SMARCC1: variants seen among roughly 807,000 people sequenced by gnomAD.
SMARCC1 encodes the protein SWI/SNF related BAF chromatin remodeling complex subunit C1.
SMARCC1 carries 43 observed loss-of-function variants against 147.4 expected under a neutral mutation model. The observed-to-expected ratio is 0.29, with a 90% confidence interval of 0.23 to 0.38. The LOEUF is 0.38. SMARCC1 is among the 10% of genes least tolerant of loss of function. The probability of loss-of-function intolerance (pLI) is 1.00; values close to 1 mark genes in which losing one functional copy is unlikely to be tolerated. For missense variants in SMARCC1, 1,119 were observed against 1,381.1 expected, an observed-to-expected ratio of 0.81 and a Z score of 3.01; for synonymous variants, 495 against 484.4, an observed-to-expected ratio of 1.02 and a Z score of -0.29.
chr3:47,654,955 C>T (rs2033241918), intron 21 of SMARCC1, among the ~76,000 whole-genome samples: 1 of 152,142 alleles, frequency 6.6e-6, no homozygotes, highest in Non-Finnish European at 1.5e-5. Context: ...ATATCCAAAC[C>T]CCAGCAGCAG....
intron 25 of SMARCC1, among the ~76,000 whole-genome samples, chr3:47,611,020 A>G (rs1020525642): frequency 2.0e-5 from 3 of 152,218 alleles, no homozygotes; most frequent in Non-Finnish European, 4.4e-5. Context: ...AAGCATTTCA[A>G]TATTCAAGAT....
chr3:47,665,053 G>A (rs557558775), intron 19 of SMARCC1, among the ~76,000 whole-genome samples: 2 of 151,968 alleles, frequency 1.3e-5, no homozygotes, highest in African/African-American at 2.4e-5. Context: ...GGATGGTCAC[G>A]GACTTCTGAA....
intron 12 of SMARCC1, 100 bp downstream of exon 12, chr3:47,693,141 C>A: frequency 1.3e-6 from 1 of 784,008 alleles, no homozygotes; most frequent in Non-Finnish European, 2.2e-6. Context: ...TGCACTCCAG[C>A]CTGACCAACA....
chr3:47,668,753 T>G (rs2033455504), intron 19 of SMARCC1, among the ~76,000 whole-genome samples: 1 of 151,976 alleles, frequency 6.6e-6, no homozygotes. Flanking sequence ...GGCATGGTGG[T>G]GCACACCTGT....
At chr3:47,773,021 C>T (rs2034933229) in intron 1 of SMARCC1, 85 bp from the exon 2 acceptor site, 2 of 1,246,054 alleles carry the variant, frequency 1.6e-6, no homozygotes, top group Admixed American at 2.1e-5. Context: ...CTACTAAGTA[C>T]TTACGTTATG....
intron 26 of SMARCC1, among the ~76,000 whole-genome samples, chr3:47,599,643 C>T (rs1050861609): frequency 6.6e-6 from 1 of 152,160 alleles, no homozygotes; most frequent in African/African-American, 2.4e-5. Context: ...AGCCAGTGTG[C>T]ACCCCTGACA....
chr3:47,763,895 T>A (rs919222480), intron 2 of SMARCC1, among the ~76,000 whole-genome samples: 1 of 151,492 alleles, frequency 6.6e-6, no homozygotes, highest in Non-Finnish European at 1.5e-5. Context: ...AATTTTTTTT[T>A]ATTTTTTGTA....
intron 22 of SMARCC1, among the ~76,000 whole-genome samples, chr3:47,638,129 C>T (rs543688533): frequency 3.4e-4 from 51 of 152,236 alleles, no homozygotes; most frequent in African/African-American, 1.2e-3. Flanking sequence ...CTCGCTCTGT[C>T]GCCCAGGATG....
At chr3:47,662,141 T>C (rs1324007640) in intron 20 of SMARCC1, among the ~76,000 whole-genome samples, 193 bp downstream of exon 20, 1 of 152,164 alleles carries the variant, frequency 6.6e-6, no homozygotes, top group Non-Finnish European at 1.5e-5. Context: ...ACTATAGGCA[T>C]GTGCCACCAC....
At chr3:47,692,442 G>GTATCA (rs1415710184) in intron 12 of SMARCC1, among the ~76,000 whole-genome samples, 1 of 152,142 alleles carries the variant, frequency 6.6e-6, no homozygotes, top group East Asian at 1.9e-4. Flanking sequence ...TAACAATACA[G>GTATCA]TATCATTTTG....
At chr3:47,601,498 C>T (rs2106655131) in intron 26 of SMARCC1, among the ~76,000 whole-genome samples, 1 of 152,156 alleles carries the variant, frequency 6.6e-6, no homozygotes, top group South Asian at 2.1e-4. Context: ...AGAGACTGTG[C>T]CTTCCCCACA....
chr3:47,617,026 C>G (rs1272592269), intron 25 of SMARCC1, among the ~76,000 whole-genome samples: 2 of 152,182 alleles, frequency 1.3e-5, no homozygotes, highest in Non-Finnish European at 2.9e-5. Context: ...CTGATCTATT[C>G]ACTATCTGGA....
At chr3:47,687,526 A>T (rs532590628) in intron 13 of SMARCC1, among the ~76,000 whole-genome samples, 1 of 152,310 alleles carries the variant, frequency 6.6e-6, no homozygotes, top group South Asian at 2.1e-4. Flanking sequence ...TAAGATATAT[A>T]AACGACTGGT....
chr3:47,746,186 T>A (rs548840447), intron 2 of SMARCC1, 193 bp from the exon 3 acceptor site: 2 of 455,320 alleles, frequency 4.4e-6, no homozygotes, highest in East Asian at 7.6e-5. Context: ...TGGTGGCTCA[T>A]GCCTGTAATC....
Position 47,633,574 on chromosome 3 carries a change from T to C in SMARCC1, c.2646+1616A>G, listed in dbSNP as rs141332714. Reference sequence around the variant, plus strand: ...GCCTGATCAATATGGCAAAACCCTGTCTCTACTAAAAATACAAAAGTTAGC... The same window carrying C: ...GCCTGATCAATATGGCAAAACCCTGCCTCTACTAAAAATACAAAAGTTAGC... On this transcript the variant is annotated intron_variant, in intron 24 of 27. Transcript: ENST00000254480. 4.6e-3 allele frequency among the ~76,000 whole-genome samples: 699 copies of C among 150,934 alleles called. 6 individuals carry two copies. The highest frequency in any genetic ancestry group is 0.016 in the African/African-American group (657 of 41,096).
At chr3:47,592,369 T>A (rs756899758) in intron 26 of SMARCC1, among the ~76,000 whole-genome samples, 7 of 152,256 alleles carry the variant, frequency 4.6e-5, no homozygotes, top group Admixed American at 2.0e-4. Context: ...CATCTTTATT[T>A]ATGAACCCTA....
intron 22 of SMARCC1, among the ~76,000 whole-genome samples, chr3:47,637,532 T>G (rs112481153): frequency 1.3e-4 from 20 of 152,200 alleles, no homozygotes; most frequent in African/African-American, 4.6e-4. Flanking sequence ...GCCAACATAG[T>G]GAAACCACGT....
At chr3:47,741,037 T>C (rs563862406) in intron 3 of SMARCC1, among the ~76,000 whole-genome samples, 2 of 152,118 alleles carry the variant, frequency 1.3e-5, no homozygotes, top group South Asian at 4.2e-4. Flanking sequence ...ATTATTATTG[T>C]TGCCAAAAAA....
At chr3:47,619,860 G>C (rs1196603720) in intron 25 of SMARCC1, among the ~76,000 whole-genome samples, 1 of 152,132 alleles carries the variant, frequency 6.6e-6, no homozygotes, top group Non-Finnish European at 1.5e-5. Context: ...CTGGTCTTAG[G>C]ACAAAATGGA....
Sources: gnomAD v4.1 joint callset for allele counts (sites outside exome capture counted in the v4.1 genomes callset) on GRCh38, gnomAD v4.1.1 for gene constraint, MANE v1.5 for transcripts, NCBI Gene and HGNC (gene_info 2026-07-23, HGNC 2026-07-21) for gene names.